Variants in CHSY1 observed in about 807,000 individuals in gnomAD.
CHSY1 encodes chondroitin sulfate synthase 1.
A neutral mutation model predicts 59.8 loss-of-function variants in CHSY1; 13 were observed. The ratio of observed to expected loss-of-function variants is 0.22; its 90% CI spans 0.14 to 0.35. CHSY1 has a LOEUF of 0.35. CHSY1 is among the 10% of genes least tolerant of loss of function. The pLI is 1.00. For synonymous variants in CHSY1, 459 were observed against 401.2 expected, an observed-to-expected ratio of 1.14 and a Z score of -1.72; for missense variants, 947 against 1,030.6, an observed-to-expected ratio of 0.92 and a Z score of 1.11.
chr15:101,221,263 G>A (rs1306310101), intron 2 of CHSY1, among the ~76,000 whole-genome samples: 2 of 152,202 alleles, frequency 1.3e-5, no homozygotes, highest in Non-Finnish European at 2.9e-5. Context: ...GAAGGCCGAG[G>A]TGGGCGGATC....
chr15:101,213,206 A>G (rs1275834025), intron 2 of CHSY1, among the ~76,000 whole-genome samples: 1 of 152,036 alleles, frequency 6.6e-6, no homozygotes, highest in African/African-American at 2.4e-5. Context: ...AACAGTGACA[A>G]TGATGTCTTG....
intron 2 of CHSY1, among the ~76,000 whole-genome samples, chr15:101,205,673 C>T (rs1017174926): frequency 2.6e-5 from 4 of 152,106 alleles, no homozygotes; most frequent in Admixed American, 6.5e-5. Flanking sequence ...GATTGTTGGC[C>T]GGGCGTGGTG....
chr15:101,199,418 G>A (rs537234390), intron 2 of CHSY1, among the ~76,000 whole-genome samples: 9 of 152,308 alleles, frequency 5.9e-5, no homozygotes, highest in East Asian at 1.9e-4. Context: ...CAGGAGAATC[G>A]CTTGAACCCA....
intron 2 of CHSY1, among the ~76,000 whole-genome samples, chr15:101,224,936 A>C (rs2038825195): frequency 6.6e-6 from 1 of 152,240 alleles, no homozygotes; most frequent in South Asian, 2.1e-4. Flanking sequence ...AGACCTCTTA[A>C]AAATGTGAAA....
chr15:101,215,261 G>A (rs961331542), intron 2 of CHSY1, among the ~76,000 whole-genome samples: 10 of 152,294 alleles, frequency 6.6e-5, no homozygotes, highest in African/African-American at 2.4e-4. Context: ...AAGACTGTAA[G>A]TTACAGAGCT....
Position 101,177,483 on chromosome 15 carries a change from C to T in CHSY1, c.2314G>A (p.Gly772Arg), listed in dbSNP as rs1567335290. The change falls in exon 3 of 3, where the codon GGG becomes AGG. Residue 772 changes from glycine to arginine, a missense_variant. Gly to Arg is a moderately radical substitution (Grantham distance 125). Around this residue, in one of 4 missense-constraint regions of CHSY1, gnomAD observed 602 missense variants for 676.9 expected, o/e 0.89. Transcript: ENST00000254190. The part of the protein sequence containing the change: ...MCLGSKASTY[G>R]STQQLAEMWL... ...ATCTCAGCCAGCTGCTGGGTGGACC[C>T]ATAGGTCGATGCTTTGGACCCCAAG... is the stretch of plus-strand genomic sequence containing the variant. 1 of 1,613,526 alleles carries T rather than the reference C, an allele frequency of 6.2e-7. No individual in the cohort carries two copies. The highest frequency in any genetic ancestry group is 1.7e-5 in the Admixed American group (1 of 59,956).
At chr15:101,244,188 C>G (rs914752104) in intron 1 of CHSY1, among the ~76,000 whole-genome samples, 1 of 152,100 alleles carries the variant, frequency 6.6e-6, no homozygotes. Flanking sequence ...CAATGCCATC[C>G]GGAACCAGAA....
intron 1 of CHSY1, among the ~76,000 whole-genome samples, chr15:101,243,069 G>A (rs2039018079): frequency 6.6e-6 from 1 of 152,132 alleles, no homozygotes; most frequent in Admixed American, 6.5e-5. Flanking sequence ...TTAAGCTGTT[G>A]GCAGGGGGGA....
At chr15:101,218,676 G>C (rs66523354) in intron 2 of CHSY1, among the ~76,000 whole-genome samples, 29,723 of 152,214 alleles carry the variant, frequency 0.2, 3,072 homozygotes, top group Middle Eastern at 0.33. Context: ...TGAGGTGGGA[G>C]ATTGTTTGAG....
intron 2 of CHSY1, among the ~76,000 whole-genome samples, chr15:101,191,576 T>C (rs2038445505): frequency 6.6e-6 from 1 of 152,206 alleles, no homozygotes; most frequent in Non-Finnish European, 1.5e-5. Flanking sequence ...CTTCGGGTGA[T>C]AATGATATGT....
In CHSY1 at chr15:101,178,276, G is replaced by A; in HGVS notation, c.1521C>T (p.Leu507=). 6.2e-7 allele frequency: 1 copy of A among 1,613,218 alleles called. No individual in the cohort carries two copies. The highest frequency in any genetic ancestry group is 8.5e-7 in the Non-Finnish European group (1 of 1,179,198). ...INQESGSLSF[L]SNSLKKLVPF... is the part of the protein sequence containing the mutation. Reference sequence around the variant, plus strand: ...GGACGAGCTTCTTCAGGGAGTTTGAGAGAAAGGACAAGGATCCAGATTCCT... The same window carrying A: ...GGACGAGCTTCTTCAGGGAGTTTGAAAGAAAGGACAAGGATCCAGATTCCT... The change falls in exon 3 of 3, where the codon CTC becomes CTT. Residue 507 remains leucine, a synonymous_variant. Transcript: ENST00000254190.
rs1335487548 is a variant in CHSY1, at chr15:101,175,993, TTCA to T, written c.*1392_*1394del. On this transcript the variant is annotated 3_prime_UTR_variant, in exon 3 of 3. Transcript: ENST00000254190. Reference sequence around the variant, plus strand: ...TTTAACTTTCTGGTATAATGACAGATTCATTTCACTTTTGTCCCCAAAACACAT... The same window carrying T: ...TTTAACTTTCTGGTATAATGACAGATTTTCACTTTTGTCCCCAAAACACAT... 1 of 324,730 alleles carries T rather than the reference TTCA, an allele frequency of 3.1e-6. No homozygotes were observed. The highest frequency in any genetic ancestry group is 4.9e-5 in the Admixed American group (1 of 20,478). The allele number at this position is 324,730 out of a possible 1,614,324, so 20.1% of individuals were successfully genotyped here. A position where few individuals can be genotyped will look rare whatever the true frequency, so the allele number is the denominator to read the frequency against.
At chr15:101,187,976 C>T (rs2038391919) in intron 2 of CHSY1, 2 of 972,996 alleles carry the variant, frequency 2.1e-6, no homozygotes, top group Non-Finnish European at 2.4e-6. Flanking sequence ...CATATCTAAT[C>T]TTTGGTTAAC....
chr15:101,243,173 G>C lies in CHSY1; in HGVS notation c.321-7596C>G, dbSNP rs77597430. 4.1e-3 allele frequency among the ~76,000 whole-genome samples: 630 copies of C among 152,200 alleles called. 4 individuals are homozygous for C. Among genetic ancestry groups the C allele is most frequent in the African/African-American group, 0.014 (563 of 41,502 alleles). ...CGAGGAGCCCGCCCTTTGAGCCCAGGTTCACGGCAAACAATGGGAACAGAG... is the reference window on the plus strand; with the variant it reads ...CGAGGAGCCCGCCCTTTGAGCCCAGCTTCACGGCAAACAATGGGAACAGAG... On this transcript the variant is annotated intron_variant, in intron 1 of 2. Coordinates refer to ENST00000254190, the MANE Select transcript of CHSY1 (RefSeq NM_014918.5).
chr15:101,191,594 G>A (rs991291512), intron 2 of CHSY1, among the ~76,000 whole-genome samples: 2 of 152,136 alleles, frequency 1.3e-5, no homozygotes, highest in Non-Finnish European at 2.9e-5. Context: ...TGTCACTGTA[G>A]GTTCACCAAT....
chr15:101,178,739 T>A lies in CHSY1; in HGVS notation c.1058A>T (p.Asp353Val). 6.2e-7 allele frequency: 1 copy of A among 1,614,098 alleles called. No homozygotes were observed. The highest frequency in any genetic ancestry group is 8.5e-7 in the Non-Finnish European group (1 of 1,180,030). Residue 353 changes from aspartate (D) to valine (V), a missense_variant, in exon 3 of 3, where the codon GAC becomes GTC. By Grantham distance (152) the Asp-to-Val change is radical (BLOSUM62 -3). Coordinates refer to ENST00000254190, the MANE Select transcript of CHSY1 (RefSeq NM_014918.5). ...KYSNTEIHKE[D>V]LQLGIPPSFM... Reference sequence around the variant, plus strand: ...GGAGGGAGGGATTCCCAGCTGGAGGTCCTCTTTATGAATTTCTGTGTTGCT... The same window carrying A: ...GGAGGGAGGGATTCCCAGCTGGAGGACCTCTTTATGAATTTCTGTGTTGCT...
intron 2 of CHSY1, among the ~76,000 whole-genome samples, chr15:101,179,679 G>A (rs1208050232): frequency 3.9e-5 from 6 of 152,218 alleles, no homozygotes; most frequent in African/African-American, 7.2e-5. Context: ...TGCTCAGCAC[G>A]GGGTCTCCGG....
chr15:101,199,134 C>A (rs1388170690), intron 2 of CHSY1, among the ~76,000 whole-genome samples: 1 of 152,176 alleles, frequency 6.6e-6, no homozygotes, highest in Non-Finnish European at 1.5e-5. Flanking sequence ...TTCCTGACAC[C>A]AAGACACTCT....
In CHSY1 at chr15:101,251,921, G is replaced by C. The variant is rs1409330376; in HGVS notation, c.-465C>G. ...CGCCGCCGCAGCTGCACATCCTCCG[G>C]CTTAGCTCGCCATTGCAACAGGAGC... On this transcript the variant is annotated 5_prime_UTR_variant, in exon 1 of 3. Transcript: ENST00000254190. 6.6e-6 allele frequency: 1 copy of C among 151,248 alleles called. No individual in the cohort carries two copies. Among genetic ancestry groups the C allele is most frequent in the Admixed American group, 6.6e-5 (1 of 15,194 alleles). 9.4% of individuals were successfully genotyped at this position (151,248 alleles called of 1,614,324 possible).
Sources: allele counts gnomAD v4.1 joint callset (sites outside exome capture counted in the v4.1 genomes callset), GRCh38; gene constraint gnomAD v4.1.1; regional missense constraint gnomAD v4.1.1; transcripts MANE v1.5; gene names NCBI Gene and HGNC (gene_info 2026-07-23, HGNC 2026-07-21).